Variants in FOXP2 observed in about 807,000 individuals in gnomAD.
The protein encoded by FOXP2 is forkhead box P2.
In FOXP2, 12 loss-of-function variants were observed where a neutral mutation model predicts 115.8. That is an observed-to-expected ratio of 0.10 (90% CI 0.07 to 0.17). The LOEUF (loss-of-function observed/expected upper bound fraction) is 0.17, where lower values mean the gene tolerates loss of function less well. Ranked by LOEUF, FOXP2 falls within the 10% of genes least tolerant of loss-of-function variation. The pLI, the probability that FOXP2 is intolerant of heterozygous loss-of-function variation, is 1.00. For missense variants in FOXP2, 629 were observed against 843.5 expected, an observed-to-expected ratio of 0.75 and a Z score of 3.15; for synonymous variants, 328 against 297.7, an observed-to-expected ratio of 1.10 and a Z score of -1.05.
rs1192131950 is a variant in FOXP2, at chr7:114,341,732, C to T, written c.-11+53623C>T. Among the ~76,000 whole-genome samples, 6 of 150,774 alleles carry T rather than the reference C, an allele frequency of 4.0e-5. No homozygotes were observed. In the South Asian group the frequency reaches 6.2e-4, roughly 16 times the overall value. ...TTTCTTCCTAACCTAAAGAAAGATA[C>T]GTTCATTCCCTCATTAGCTAACTAC... On this transcript the variant is annotated intron_variant, in intron 2 of 17. Coordinates refer to the FOXP2 transcript ENST00000634411.
upstream of FOXP2, among the ~76,000 whole-genome samples, chr7:114,159,812 G>A (rs75665984): frequency 0.021 from 3,226 of 152,186 alleles, 56 homozygotes; most frequent in African/African-American, 0.052. Flanking sequence ...ATTGGAAAAA[G>A]GCATATAAAC....
rs139367220 is a variant in FOXP2 at position 114,186,266 on chromosome 7, A to G, written c.-102+23178A>G. On this transcript the variant is annotated intron_variant, in intron 1 of 17. Coordinates refer to the FOXP2 transcript ENST00000634411. The stretch of plus-strand genomic sequence containing the variant: ...TCTTAATTTGTTCCAGCATCAACTC[A>G]AAAGTCCAAAGTGTAGAGTTTCACA... 2.7e-3 allele frequency among the ~76,000 whole-genome samples: 415 copies of G among 152,276 alleles called. 4 individuals are homozygous for G. Among genetic ancestry groups the G allele is most frequent in the African/African-American group, 9.6e-3 (401 of 41,578 alleles).
intron 2 of FOXP2, among the ~76,000 whole-genome samples, chr7:114,357,835 A>G (rs1791651430): frequency 1.3e-5 from 2 of 152,134 alleles, no homozygotes; most frequent in African/African-American, 2.4e-5. Context: ...CCTTAACTTC[A>G]TTAGTCTAAG....
At chr7:114,682,267 T>A (rs1808124375) in intron 16 of FOXP2, among the ~76,000 whole-genome samples, 1 of 152,170 alleles carries the variant, frequency 6.6e-6, no homozygotes, top group South Asian at 2.1e-4. Context: ...CACTGCTGCG[T>A]GACTAAATAT....
At chr7:114,556,829 TA>T (rs1292914448) in intron 3 of FOXP2, among the ~76,000 whole-genome samples, 3 of 152,182 alleles carry the variant, frequency 2.0e-5, no homozygotes, top group African/African-American at 7.2e-5. Flanking sequence ...GTTTATTGCT[TA>T]AAAGTATATC....
intron 2 of FOXP2, among the ~76,000 whole-genome samples, chr7:114,480,295 G>C (rs1229765194): frequency 2.6e-5 from 4 of 151,346 alleles, no homozygotes; most frequent in Non-Finnish European, 4.4e-5. Context: ...CTGGAAGCTT[G>C]CAATCCAATT....
At chr7:114,284,012 C>T (rs1168671300) in intron 1 of FOXP2, among the ~76,000 whole-genome samples, 1 of 152,088 alleles carries the variant, frequency 6.6e-6, no homozygotes, top group Non-Finnish European at 1.5e-5. Flanking sequence ...AATAAATCTT[C>T]TACTAATTAT....
At chr7:114,324,123 C>G (rs1010852345) in intron 2 of FOXP2, among the ~76,000 whole-genome samples, 3 of 151,684 alleles carry the variant, frequency 2.0e-5, no homozygotes, top group Non-Finnish European at 4.4e-5. Context: ...ACCTTTTTTT[C>G]TTTAAATTCA....
Position 114,689,778 on chromosome 7 carries a change from T to C in FOXP2, c.2004-4T>C. The C allele has an allele frequency of 6.2e-7, 1 of 1,613,134 alleles. No homozygotes were observed. The highest frequency in any genetic ancestry group is 8.5e-7 in the Non-Finnish European group (1 of 1,179,376). On this transcript the variant is annotated splice_region_variant and splice_polypyrimidine_tract_variant and intron_variant, in intron 16 of 16. Transcript: ENST00000350908. ...AAATTTTGGTGTATCTACATGTTTT[T>C]CAGACATTCAATCCACGTCAAGGAA...
At chr7:114,518,855 T>A (rs1238463495) in intron 2 of FOXP2, among the ~76,000 whole-genome samples, 1 of 152,172 alleles carries the variant, frequency 6.6e-6, no homozygotes, top group African/African-American at 2.4e-5. Context: ...ACTTTGTTAG[T>A]TATTTGCTAT....
intron 2 of FOXP2, among the ~76,000 whole-genome samples, chr7:114,378,548 G>T (rs77947118): frequency 0.033 from 4,995 of 151,622 alleles, 220 homozygotes; most frequent in African/African-American, 0.11. Flanking sequence ...ACTAGGCATG[G>T]TAGTACATTC....
intron 1 of FOXP2, among the ~76,000 whole-genome samples, chr7:114,285,107 G>C (rs896254596): frequency 2.6e-5 from 4 of 152,078 alleles, no homozygotes; most frequent in Admixed American, 2.0e-4. Context: ...TGACAAAATA[G>C]TCTGTATAAG....
At chr7:114,520,733 A>G (rs1427792408) in intron 2 of FOXP2, among the ~76,000 whole-genome samples, 1 of 152,092 alleles carries the variant, frequency 6.6e-6, no homozygotes, top group Non-Finnish European at 1.5e-5. Flanking sequence ...AGCAAGGTAA[A>G]ATATTTTTGC....
intron 2 of FOXP2, among the ~76,000 whole-genome samples, chr7:114,308,971 T>C (rs997135809): frequency 6.6e-6 from 1 of 152,170 alleles, no homozygotes; most frequent in Non-Finnish European, 1.5e-5. Context: ...TGTTGAGAGG[T>C]AATTCTCCAT....
At chr7:114,103,823 A>G (rs931572930) in intron 1 of FOXP2, among the ~76,000 whole-genome samples, 3 of 151,982 alleles carry the variant, frequency 2.0e-5, no homozygotes, top group Non-Finnish European at 4.4e-5. Flanking sequence ...CCATTTTTCA[A>G]CATCTTAAAT....
intron 1 of FOXP2, among the ~76,000 whole-genome samples, chr7:114,261,162 T>C (rs1183782977): frequency 6.6e-6 from 1 of 152,194 alleles, no homozygotes; most frequent in East Asian, 1.9e-4. Context: ...AATGAATTAA[T>C]GTTTATAAGT....
At chr7:114,235,150 T>C (rs1794978640) in intron 1 of FOXP2, among the ~76,000 whole-genome samples, 2 of 152,156 alleles carry the variant, frequency 1.3e-5, no homozygotes, top group Admixed American at 6.5e-5. Flanking sequence ...TTTTTTTTAA[T>C]GAGTGAATAC....
chr7:114,484,859 T>G (rs938728248), intron 2 of FOXP2, among the ~76,000 whole-genome samples: 2 of 151,964 alleles, frequency 1.3e-5, no homozygotes, highest in Admixed American at 6.6e-5. Context: ...AAAGAATAGC[T>G]TTTTGGGTTA....
At chr7:114,267,386 T>C (rs1171904433) in intron 1 of FOXP2, among the ~76,000 whole-genome samples, 1 of 152,172 alleles carries the variant, frequency 6.6e-6, no homozygotes, top group Non-Finnish European at 1.5e-5. Context: ...ATCTTATTTT[T>C]AGATATTCGC....
Sources: gnomAD v4.1 joint callset for allele counts (sites outside exome capture counted in the v4.1 genomes callset) on GRCh38, gnomAD v4.1.1 for gene constraint, MANE v1.5 for transcripts, NCBI Gene and HGNC (gene_info 2026-07-23, HGNC 2026-07-21) for gene names.